PPP2R5C: variants seen among roughly 807,000 people sequenced by gnomAD.
PPP2R5C encodes protein phosphatase 2 regulatory subunit B'gamma, also known as serine/threonine-protein phosphatase 2A 56 kDa regulatory subunit gamma isoform.
A neutral mutation model predicts 68.9 loss-of-function variants in PPP2R5C; 7 were observed. The ratio of observed to expected loss-of-function variants is 0.10; its 90% CI spans 0.06 to 0.19. The LOEUF (loss-of-function observed/expected upper bound fraction) is 0.19, where lower values mean the gene tolerates loss of function less well. Among genes scored for constraint, PPP2R5C ranks in the 10% least tolerant of loss-of-function variants. The probability of loss-of-function intolerance (pLI) is 1.00; values close to 1 mark genes in which losing one functional copy is unlikely to be tolerated. For missense variants in PPP2R5C, 348 were observed against 641.3 expected, an observed-to-expected ratio of 0.54 and a Z score of 4.94; for synonymous variants, 210 against 222.2, an observed-to-expected ratio of 0.95 and a Z score of 0.49.
intron 3 of PPP2R5C, among the ~76,000 whole-genome samples, chr14:101,794,044 G>A (rs914070369): frequency 1.2e-4 from 19 of 152,252 alleles, no homozygotes; most frequent in East Asian, 3.9e-4. Context: ...ATGGAGGCAC[G>A]GGGCAAGCCA....
chr14:101,871,192 C>T (rs767708598), intron 2 of PPP2R5C, among the ~76,000 whole-genome samples: 2 of 149,320 alleles, frequency 1.3e-5, no homozygotes, highest in African/African-American at 5.1e-5. Context: ...TGGTAGATAG[C>T]GTATTGTTGA....
intron 1 of PPP2R5C, among the ~76,000 whole-genome samples, chr14:101,833,660 C>T (rs1464800693): frequency 1.3e-5 from 2 of 152,164 alleles, no homozygotes; most frequent in African/African-American, 4.8e-5. Context: ...TTGACTTCCA[C>T]CACCCCCAGC....
chr14:101,912,481 A>C lies in PPP2R5C; in HGVS notation c.1326+8A>C. On this transcript the variant is annotated splice_region_variant and intron_variant, in intron 12 of 13. Transcript: ENST00000334743. Reference sequence around the variant, plus strand: ...GCCAAAGCCAATCCCCAGGTACTAAAAAAGAGAATAACATGAAAACGCCCA... The same window carrying C: ...GCCAAAGCCAATCCCCAGGTACTAACAAAGAGAATAACATGAAAACGCCCA... The C allele has an allele frequency of 6.2e-7, 1 of 1,600,248 alleles. No homozygotes were observed. Among genetic ancestry groups the C allele is most frequent in the Non-Finnish European group, 8.5e-7 (1 of 1,176,348 alleles).
At chr14:101,794,151 G>A (rs929191213) in intron 3 of PPP2R5C, among the ~76,000 whole-genome samples, 13 of 152,168 alleles carry the variant, frequency 8.5e-5, no homozygotes, top group Admixed American at 8.5e-4. Context: ...TGAGGCTAGG[G>A]CCCTCACAAG....
chr14:101,847,703 G>A (rs4589480), intron 1 of PPP2R5C, among the ~76,000 whole-genome samples: 23,909 of 143,012 alleles, frequency 0.17, 1,992 homozygotes, highest in African/African-American at 0.19. Context: ...AGTCTCTATC[G>A]CGAGGCTGGA....
chr14:101,782,073 A>C (rs1486220359), intron 2 of PPP2R5C, among the ~76,000 whole-genome samples: 1,372 of 14,114 alleles, frequency 0.097, no homozygotes, highest in Admixed American at 0.12. Flanking sequence ...TCCCTCTCCC[A>C]CTCCCTCTCT....
intron 3 of PPP2R5C, among the ~76,000 whole-genome samples, chr14:101,796,321 C>T (rs2038606919): frequency 6.6e-6 from 1 of 152,172 alleles, no homozygotes; most frequent in African/African-American, 2.4e-5. Context: ...GGAATCTCTG[C>T]TTTCATTAGT....
intron 2 of PPP2R5C, among the ~76,000 whole-genome samples, chr14:101,772,405 C>T (rs187217694): frequency 3.9e-5 from 6 of 151,992 alleles, no homozygotes; most frequent in Non-Finnish European, 2.9e-5. Context: ...AGAGCAGTCA[C>T]GACCTTTTGT....
chr14:101,872,058 A>G (rs1458804647), intron 2 of PPP2R5C, among the ~76,000 whole-genome samples: 3 of 151,778 alleles, frequency 2.0e-5, no homozygotes, highest in East Asian at 1.9e-4. Context: ...GATAGTTACA[A>G]TTTTCAGTGT....
intron 1 of PPP2R5C, among the ~76,000 whole-genome samples, chr14:101,844,479 C>A (rs893132344): frequency 6.6e-6 from 1 of 152,182 alleles, no homozygotes; most frequent in Non-Finnish European, 1.5e-5. Flanking sequence ...CCCGGTAGGT[C>A]CTGGCACACA....
chr14:101,887,686 G>T (rs918604459), intron 5 of PPP2R5C, among the ~76,000 whole-genome samples: 1 of 152,224 alleles, frequency 6.6e-6, no homozygotes, highest in African/African-American at 2.4e-5. Context: ...GTTTGGCTTG[G>T]AACTGGTGCA....
At chr14:101,796,373 G>A (rs1186952645) in intron 3 of PPP2R5C, among the ~76,000 whole-genome samples, 1 of 152,204 alleles carries the variant, frequency 6.6e-6, no homozygotes, top group Non-Finnish European at 1.5e-5. Context: ...GTCTTCTCGT[G>A]ATTTGCCATG....
chr14:101,918,079 T>G (rs1393288761), intron 13 of PPP2R5C, 132 bp downstream of exon 15: 2 of 1,309,570 alleles, frequency 1.5e-6, no homozygotes, highest in Non-Finnish European at 2.1e-6. Context: ...TTGCTAGTCT[T>G]ATAGGAAACA....
At position 101,882,373 on chromosome 14, in the gene PPP2R5C, C is replaced by A; in HGVS notation, c.405+102C>A. 1 of 762,090 alleles carries A rather than the reference C, an allele frequency of 1.3e-6. No homozygotes were observed. Among genetic ancestry groups the A allele is most frequent in the Non-Finnish European group, 2.1e-6 (1 of 478,512 alleles). 47.2% of individuals were successfully genotyped at this position (762,090 alleles called of 1,614,324 possible). On this transcript the variant is annotated intron_variant, in intron 3 of 13. Coordinates refer to ENST00000334743, the Ensembl canonical transcript of PPP2R5C. This position sits in a 1 kb window ranked among gnomAD's most constrained non-coding sequence, Gnocchi z 4.9. ...ACTGGTCTGGCCAGATGGACCTCTC[C>A]TCCTCAGTAGCATGGGCCTCGTAAA...
At chr14:101,866,494 A>G (rs1333149784) in intron 2 of PPP2R5C, among the ~76,000 whole-genome samples, 1 of 152,030 alleles carries the variant, frequency 6.6e-6, no homozygotes, top group Admixed American at 6.6e-5. Flanking sequence ...ACATGGTGAA[A>G]CCCCATCTCT....
At chr14:101,842,912 G>A (rs1034141189) in intron 1 of PPP2R5C, among the ~76,000 whole-genome samples, 3 of 151,938 alleles carry the variant, frequency 2.0e-5, no homozygotes, top group African/African-American at 7.3e-5. Context: ...AGAGAGTGGA[G>A]TTCCATCTTT....
Position 101,917,315 on chromosome 14 carries a change from G to C in PPP2R5C, c.1327-516G>C, listed in dbSNP as rs560383897. 6.6e-6 allele frequency among the ~76,000 whole-genome samples: 1 copy of C among 152,312 alleles called. No individual in the cohort carries two copies. Among genetic ancestry groups the C allele is most frequent in the Non-Finnish European group, 1.5e-5 (1 of 68,022 alleles). On this transcript the variant is annotated intron_variant, in intron 12 of 13. Transcript: ENST00000334743. The surrounding 1 kb of genome is among the most constrained non-coding windows in gnomAD (Gnocchi z 4.4). ...GAGAGCAAGTCACCCGGGATGTGAT[G>C]AGAGGGTTTCATAAGCAAGCCGGGA... is the stretch of plus-strand genomic sequence containing the variant.
At chr14:101,875,316 T>C (rs2043692750) in intron 2 of PPP2R5C, among the ~76,000 whole-genome samples, 1 of 152,124 alleles carries the variant, frequency 6.6e-6, no homozygotes, top group Non-Finnish European at 1.5e-5. Context: ...AGGAAGATAT[T>C]AAACCAAGGA....
In PPP2R5C at chr14:101,883,363, T is replaced by C; in HGVS notation, c.498+14T>C. 1 of 1,606,276 alleles carries C rather than the reference T, an allele frequency of 6.2e-7. No homozygotes were observed. The highest frequency in any genetic ancestry group is 1.1e-5 in the South Asian group (1 of 89,626). Reference sequence around the variant, plus strand: ...TTTGTATTGCAGGTAAGGTACAAATTAGCTGACACTCTGAAAGCCCTGATG... The same window carrying C: ...TTTGTATTGCAGGTAAGGTACAAATCAGCTGACACTCTGAAAGCCCTGATG... On this transcript the variant is annotated intron_variant, in intron 4 of 13. Coordinates refer to ENST00000334743, the Ensembl canonical transcript of PPP2R5C.
Sources: gnomAD v4.1 joint callset for allele counts (sites outside exome capture counted in the v4.1 genomes callset) on GRCh38, gnomAD v4.1.1 for gene constraint, Gnocchi (gnomAD v3.1) non-coding constraint, MANE v1.5 for transcripts, NCBI Gene and HGNC (gene_info 2026-07-23, HGNC 2026-07-21) for gene names.